Variants in SPI1 observed in about 807,000 individuals in gnomAD.
SPI1 encodes the protein transcription factor PU.1.
Under a neutral mutation model 30.7 loss-of-function variants are expected in SPI1, and 3 were observed. That is an observed-to-expected ratio of 0.10 (90% CI 0.04 to 0.25). The LOEUF is 0.25. Among genes scored for constraint, SPI1 ranks in the 10% least tolerant of loss-of-function variants. SPI1 has a pLI of 1.00. For synonymous variants in SPI1, 169 were observed against 157.1 expected, an observed-to-expected ratio of 1.08 and a Z score of -0.56; for missense variants, 261 against 371.5, an observed-to-expected ratio of 0.70 and a Z score of 2.45.
intron 4 of SPI1, chr11:47,358,536 G>C: frequency 1.5e-6 from 1 of 687,952 alleles, no homozygotes; most frequent in Non-Finnish European, 2.7e-6. Flanking sequence ...ACATGCACCT[G>C]CCCGTACCTG....
chr11:47,367,872 G>A (rs534985174), intron 2 of SPI1, among the ~76,000 whole-genome samples: 295 of 145,732 alleles, frequency 2.0e-3, no homozygotes, highest in African/African-American at 7.3e-3. Context: ...ATTCTCCTGC[G>A]TCAGCCTCCT....
intron 2 of SPI1, among the ~76,000 whole-genome samples, chr11:47,369,775 A>T (rs935674751): frequency 1.3e-5 from 2 of 152,232 alleles, no homozygotes; most frequent in Admixed American, 1.3e-4. Flanking sequence ...AGCATAGAAT[A>T]AAAGACATGA....
intron 2 of SPI1, among the ~76,000 whole-genome samples, chr11:47,372,196 C>T (rs531714234): frequency 2.0e-4 from 30 of 152,026 alleles, no homozygotes; most frequent in African/African-American, 4.8e-4. Flanking sequence ...CCTCCGCCTC[C>T]GGAGTTCAAG....
intron 4 of SPI1, among the ~76,000 whole-genome samples, chr11:47,357,562 A>T (rs925631985): frequency 7.1e-6 from 1 of 141,842 alleles, no homozygotes; most frequent in Non-Finnish European, 1.6e-5. Flanking sequence ...ACACTCACAC[A>T]TCACACCCAT....
At chr11:47,371,538 A>C (rs2095936011) in intron 2 of SPI1, among the ~76,000 whole-genome samples, 2 of 148,886 alleles carry the variant, frequency 1.3e-5, no homozygotes, top group Admixed American at 1.3e-4. Flanking sequence ...ATGGTGGTGC[A>C]CACCTGTAAT....
chr11:47,358,303 A>T (rs1031703281), intron 4 of SPI1: 1 of 522,204 alleles, frequency 1.9e-6, no homozygotes, highest in Non-Finnish European at 3.5e-6. Flanking sequence ...TCACTCACAC[A>T]TGCCTGCTTA....
intron 2 of SPI1, among the ~76,000 whole-genome samples, chr11:47,368,268 G>A (rs2095931214): frequency 6.6e-6 from 1 of 152,156 alleles, no homozygotes; most frequent in Non-Finnish European, 1.5e-5. Context: ...GGGATTCTGA[G>A]ACAGAAGAAT....
chr11:47,360,719 G>A (rs1172199164), intron 2 of SPI1, among the ~76,000 whole-genome samples: 1 of 151,758 alleles, frequency 6.6e-6, no homozygotes, highest in Non-Finnish European at 1.5e-5. Context: ...CAGCTACTCA[G>A]GAGGCTGAGG....
intron 4 of SPI1, among the ~76,000 whole-genome samples, chr11:47,356,321 G>C (rs931571179): frequency 7.7e-6 from 1 of 130,412 alleles, no homozygotes; most frequent in Non-Finnish European, 1.6e-5. Context: ...CACTGCATCT[G>C]CTTACACATT....
chr11:47,358,992 G>T lies in SPI1; in HGVS notation c.345C>A (p.Pro115=). The part of the protein sequence containing the change: ...PSLGHQVSYL[P]RMCLQYPSLS... ...GGGATGGGTACTGGAGGCACATCCG[G>T]GGCAGGTAGGAGACCTGGACGGTGG... The change falls in exon 4 of 5, where the codon CCC becomes CCA. Residue 115 remains proline, a synonymous_variant. Coordinates refer to ENST00000378538, the MANE Select transcript of SPI1 (RefSeq NM_003120.3). 1 of 1,530,614 alleles carries T rather than the reference G, an allele frequency of 6.5e-7. No homozygotes were observed. The highest frequency in any genetic ancestry group is 8.8e-7 in the Non-Finnish European group (1 of 1,139,372). 94.8% of individuals were successfully genotyped at this position (1,530,614 alleles called of 1,614,324 possible).
intron 2 of SPI1, among the ~76,000 whole-genome samples, chr11:47,368,509 TCGG>T (rs2142892740): frequency 6.6e-6 from 1 of 152,318 alleles, no homozygotes; most frequent in African/African-American, 2.4e-5. Flanking sequence ...ACCCTAAGTG[TCGG>T]ACGGCTGGAT....
Position 47,357,312 on chromosome 11 carries a change from GCT to G in SPI1, c.493+1530_493+1531del, listed in dbSNP as rs1357100206. 9.3e-5 allele frequency among the ~76,000 whole-genome samples: 14 copies of G among 150,276 alleles called. No homozygotes were observed. The East Asian group carries it at 1.2e-3, about 13-fold the overall frequency. Reference sequence around the variant, plus strand: ...ACTTATCACTCACACGCTCACACCAGCTCTTTCACACCTCATTGACACCTGCT... The same window carrying G: ...ACTTATCACTCACACGCTCACACCAGCTTTCACACCTCATTGACACCTGCT... On this transcript the variant is annotated intron_variant, in intron 4 of 4. Transcript: ENST00000378538.
rs189691096 is a variant in SPI1 at position 47,363,394 on chromosome 11, G to T, written c.143-3354C>A. Among the ~76,000 whole-genome samples, 48 of 152,112 alleles carry T rather than the reference G, an allele frequency of 3.2e-4. 1 individual carries two copies. Among genetic ancestry groups the T allele is most frequent in the Admixed American group, 2.9e-3 (45 of 15,278 alleles). On this transcript the variant is annotated intron_variant, in intron 2 of 4. Transcript: ENST00000378538. Reference sequence around the variant, plus strand: ...AAATTAGCTGGGTGTGATGGCAGGCGCCTGTAATCCCAGCTACATGGGAGG... The same window carrying T: ...AAATTAGCTGGGTGTGATGGCAGGCTCCTGTAATCCCAGCTACATGGGAGG...
intron 2 of SPI1, among the ~76,000 whole-genome samples, chr11:47,371,708 G>A (rs2095936251): frequency 6.6e-6 from 1 of 151,480 alleles, no homozygotes; most frequent in Non-Finnish European, 1.5e-5. Context: ...TAAATTTTCA[G>A]CACACACACA....
chr11:47,373,215 G>A (rs971859754), intron 2 of SPI1, among the ~76,000 whole-genome samples: 1 of 152,068 alleles, frequency 6.6e-6, no homozygotes, highest in African/African-American at 2.4e-5. Context: ...AGCTGAGCGT[G>A]GTGGCAGGCG....
At position 47,355,067 on chromosome 11, in the gene SPI1, G is replaced by A. The variant is rs1263310618; in HGVS notation, c.*160C>T. 4.6e-6 allele frequency: 2 copies of A among 438,880 alleles called. No individual in the cohort carries two copies. Among genetic ancestry groups the A allele is most frequent in the African/African-American group, 4.2e-5 (2 of 47,728 alleles). 27.2% of individuals were successfully genotyped at this position (438,880 alleles called of 1,614,324 possible). On this transcript the variant is annotated 3_prime_UTR_variant, in exon 5 of 5. Transcript: ENST00000378538. ...GGAGGGAGGCGAAGCGGGATGTGGA[G>A]GGGGCCTGGAGTGGGGGGAGGGGGC...
At position 47,375,201 on chromosome 11, in the gene SPI1, G is replaced by C. The variant is rs1255591724; in HGVS notation, c.142+432C>G. On this transcript the variant is annotated intron_variant, in intron 2 of 4. Coordinates refer to ENST00000378538, the MANE Select transcript of SPI1 (RefSeq NM_003120.3). This position sits in a 1 kb window ranked among gnomAD's most constrained non-coding sequence, Gnocchi z 4.2. ...CATGGCAGGAAGTGCGGATGTGCCGGCGGGGAGTTTGGGACAGAGAGTGAC... is the reference window on the plus strand; with the variant it reads ...CATGGCAGGAAGTGCGGATGTGCCGCCGGGGAGTTTGGGACAGAGAGTGAC... 6.6e-6 allele frequency among the ~76,000 whole-genome samples: 1 copy of C among 152,204 alleles called. No homozygotes were observed. Among genetic ancestry groups the C allele is most frequent in the Admixed American group, 6.5e-5 (1 of 15,282 alleles).
chr11:47,359,831 C>T lies in SPI1; in HGVS notation c.330+22G>A, dbSNP rs749312250. 1.4e-5 allele frequency: 23 copies of T among 1,599,496 alleles called. No individual in the cohort carries two copies. In the East Asian group the frequency reaches 1.6e-4, roughly 11 times the overall value. ...ACAGGCCTGGCAGTCTCCTGGGGGA[C>T]GGGGCAGGCGGTGGCATGCACCTGG... is the stretch of plus-strand genomic sequence containing the variant. On this transcript the variant is annotated intron_variant, in intron 3 of 4. Transcript: ENST00000378538. This position sits in a 1 kb window ranked among gnomAD's most constrained non-coding sequence, Gnocchi z 5.1.
chr11:47,360,683 G>T (rs1403390646), intron 2 of SPI1, among the ~76,000 whole-genome samples: 1 of 151,704 alleles, frequency 6.6e-6, no homozygotes, highest in Non-Finnish European at 1.5e-5. Context: ...AATATTAGCT[G>T]GGCGTGGTGG....
Sources: gnomAD v4.1 joint callset for allele counts (sites outside exome capture counted in the v4.1 genomes callset) on GRCh38, gnomAD v4.1.1 for gene constraint, Gnocchi (gnomAD v3.1) non-coding constraint, MANE v1.5 for transcripts, NCBI Gene and HGNC (gene_info 2026-07-23, HGNC 2026-07-21) for gene names.